Variants in RB1 observed in about 807,000 individuals in gnomAD.
RB1 encodes RB transcriptional corepressor 1.
RB1 carries 18 observed loss-of-function variants against 135.4 expected under a neutral mutation model. The ratio of observed to expected loss-of-function variants is 0.13; its 90% confidence interval spans 0.09 to 0.20. The LOEUF is 0.20. Ranked by LOEUF, RB1 falls within the 10% of genes least tolerant of loss-of-function variation. RB1 has a pLI of 1.00. For synonymous variants in RB1, 365 were observed against 373.2 expected, an observed-to-expected ratio of 0.98 and a Z score of 0.25; for missense variants, 868 against 1,110.0, an observed-to-expected ratio of 0.78 and a Z score of 3.10.
intron 2 of RB1, among the ~76,000 whole-genome samples, chr13:48,321,046 G>C (rs963911128): frequency 6.6e-6 from 1 of 152,058 alleles, no homozygotes; most frequent in Non-Finnish European, 1.5e-5. Context: ...ACGCCCCAAG[G>C]ATAAGGCCTT....
intron 11 of RB1, 75 bp from the exon 12 acceptor site, chr13:48,373,330 G>A: frequency 1.1e-6 from 1 of 881,012 alleles, no homozygotes; most frequent in Non-Finnish European, 1.9e-6. Flanking sequence ...TAACTTGGGA[G>A]ATGGAAAACA....
At chr13:48,318,825 C>T (rs1329847663) in intron 2 of RB1, 2 of 990,538 alleles carry the variant, frequency 2.0e-6, no homozygotes, top group Admixed American at 1.7e-5. Flanking sequence ...GCAGCTCTCA[C>T]CTCTGGCCAG....
At chr13:48,448,129 T>C (rs2138321234) in intron 17 of RB1, among the ~76,000 whole-genome samples, 1 of 152,308 alleles carries the variant, frequency 6.6e-6, no homozygotes, top group Middle Eastern at 3.4e-3. Flanking sequence ...AGATTTTCAA[T>C]TCATCCATGG....
intron 17 of RB1, among the ~76,000 whole-genome samples, chr13:48,390,968 T>A (rs1948606586): frequency 6.6e-6 from 1 of 152,208 alleles, no homozygotes; most frequent in Non-Finnish European, 1.5e-5. Context: ...ATGTGACTAT[T>A]GATATGGTTG....
chr13:48,367,224 G>C (rs1013231717), intron 9 of RB1, among the ~76,000 whole-genome samples: 3 of 151,128 alleles, frequency 2.0e-5, no homozygotes, highest in Admixed American at 1.3e-4. Context: ...CTTAGGTACT[G>C]TTTTGTAGCA....
chr13:48,409,173 G>T, intron 17 of RB1, among the ~76,000 whole-genome samples: 1 of 141,514 alleles, frequency 7.1e-6, no homozygotes, highest in African/African-American at 2.7e-5. Flanking sequence ...TTTTGAGATA[G>T]GATCTTGCTC....
rs1952654550 is a variant in RB1 at position 48,362,776 on chromosome 13, G to T, written c.719-39G>T. 6.3e-6 allele frequency: 10 copies of T among 1,582,986 alleles called. No homozygotes were observed. The highest frequency in any genetic ancestry group is 8.7e-6 in the Non-Finnish European group (10 of 1,152,268). ...GAATACTTCATTATTTTATATGATG[G>T]ATGTACAATTGTTCTTATCTAATTT... On this transcript the variant is annotated intron_variant, in intron 7 of 26. Transcript: ENST00000267163.
At chr13:48,318,213 T>G (rs1402417635) in intron 2 of RB1, 2 of 614,824 alleles carry the variant, frequency 3.3e-6, no homozygotes, top group African/African-American at 3.7e-5. Context: ...CTCGCCGCTG[T>G]CTCTCTTGGA....
chr13:48,418,562 A>G (rs924124466), intron 17 of RB1, among the ~76,000 whole-genome samples: 7 of 152,194 alleles, frequency 4.6e-5, no homozygotes, highest in Admixed American at 3.9e-4. Flanking sequence ...TAAACGGGCT[A>G]AGTGCCACAA....
chr13:48,424,194 T>C (rs1450642012), intron 17 of RB1: 1 of 152,532 alleles, frequency 6.6e-6, no homozygotes, highest in African/African-American at 2.4e-5. Context: ...TGACAGAATA[T>C]ATTTATTTTC....
chr13:48,396,310 C>T (rs184905381), intron 17 of RB1, among the ~76,000 whole-genome samples: 1 of 151,856 alleles, frequency 6.6e-6, no homozygotes, highest in East Asian at 1.9e-4. Flanking sequence ...AATAAACCAA[C>T]GGAACAGAAC....
intron 20 of RB1, among the ~76,000 whole-genome samples, 167 bp from the exon 21 acceptor site, chr13:48,463,564 T>C (rs1949418412): frequency 6.6e-6 from 1 of 152,230 alleles, no homozygotes; most frequent in Non-Finnish European, 1.5e-5. Context: ...AAACACACTT[T>C]GGGTTAAACA....
At position 48,364,880 on chromosome 13, in the gene RB1, T is replaced by G. The variant is rs2138116202; in HGVS notation, c.862-14T>G. 9 of 1,549,288 alleles carry G rather than the reference T, an allele frequency of 5.8e-6. No homozygotes were observed. Among genetic ancestry groups the G allele is most frequent in the Non-Finnish European group, 7.9e-6 (9 of 1,144,412 alleles). On this transcript the variant is annotated splice_polypyrimidine_tract_variant and intron_variant, in intron 8 of 26. Coordinates refer to ENST00000267163, the MANE Select transcript of RB1 (RefSeq NM_000321.3). ...TAAATTTTAATGATCATGTTGTAAC[T>G]TCATCTTTTTCAGGTGAAAAATGTT... is the stretch of plus-strand genomic sequence containing the variant.
intron 2 of RB1, chr13:48,316,982 C>T: frequency 2.2e-6 from 1 of 454,202 alleles, no homozygotes; most frequent in Non-Finnish European, 4.0e-6. Context: ...TATCGATGAC[C>T]CTTCGTCAAT....
intron 1 of RB1, among the ~76,000 whole-genome samples, chr13:48,304,699 A>C (rs1246801895): frequency 6.6e-6 from 1 of 152,182 alleles, no homozygotes; most frequent in African/African-American, 2.4e-5. Context: ...AACTCTTTAG[A>C]GGAACTGAAA....
chr13:48,336,910 T>G (rs1214931123), intron 2 of RB1, among the ~76,000 whole-genome samples: 1 of 152,202 alleles, frequency 6.6e-6, no homozygotes, highest in African/African-American at 2.4e-5. Context: ...TCAAAGAACA[T>G]CTTTATTTCT....
chr13:48,408,515 T>A (rs1478509470), intron 17 of RB1: 3 of 152,230 alleles, frequency 2.0e-5, no homozygotes, highest in South Asian at 2.1e-4. Context: ...GGCTTAGTGC[T>A]ATCATTTTCA....
chr13:48,349,333 C>T (rs1419556989), intron 6 of RB1, among the ~76,000 whole-genome samples: 1 of 151,546 alleles, frequency 6.6e-6, no homozygotes. Context: ...ATTTTGGTCA[C>T]AAAAGCACAA....
intron 6 of RB1, among the ~76,000 whole-genome samples, chr13:48,349,616 A>G (rs1952528917): frequency 6.6e-6 from 1 of 151,996 alleles, no homozygotes; most frequent in Non-Finnish European, 1.5e-5. Context: ...GACAGAAAGG[A>G]AAGAAAGAAG....
Sources: allele counts gnomAD v4.1 joint callset (sites outside exome capture counted in the v4.1 genomes callset), GRCh38; gene constraint gnomAD v4.1.1; transcripts MANE v1.5; gene names NCBI Gene and HGNC (gene_info 2026-07-23, HGNC 2026-07-21).